Variants in SGMS1 observed in about 807,000 individuals in gnomAD.
SGMS1 encodes the protein sphingomyelin synthase 1.
SGMS1 carries 13 observed loss-of-function variants against 46.2 expected under a neutral mutation model. That is an observed-to-expected ratio of 0.28 (90% CI 0.18 to 0.45). The LOEUF is 0.45. SGMS1 is among the 20% of genes least tolerant of loss of function. The pLI is 1.00. For synonymous variants in SGMS1, 203 were observed against 187.8 expected (o/e 1.08, Z -0.66); for missense variants, 324 against 519.9 (o/e 0.62, Z 3.66).
chr10:50,620,171 C>G (rs61858147), intron 1 of SGMS1, among the ~76,000 whole-genome samples: 37,313 of 152,216 alleles, frequency 0.25, 5,065 homozygotes, highest in Middle Eastern at 0.34. Flanking sequence ...ACTCTCTCCT[C>G]CCTGACATCC....
intron 6 of SGMS1, among the ~76,000 whole-genome samples, chr10:50,365,401 A>G (rs1848322589): frequency 6.6e-6 from 1 of 152,162 alleles, no homozygotes; most frequent in South Asian, 2.1e-4. Flanking sequence ...CTAAAAACTA[A>G]CTATACTGAA....
intron 3 of SGMS1, among the ~76,000 whole-genome samples, chr10:50,503,582 C>T (rs1444814152): frequency 6.6e-6 from 1 of 152,184 alleles, no homozygotes; most frequent in Non-Finnish European, 1.5e-5. Context: ...AACGGCCCCA[C>T]CCCTATCTCC....
intron 3 of SGMS1, among the ~76,000 whole-genome samples, chr10:50,489,185 A>C: frequency 6.6e-6 from 1 of 152,224 alleles, no homozygotes; most frequent in East Asian, 1.9e-4. Context: ...CATAAGGAGT[A>C]ATCTTTTAAG....
chr10:50,469,921 T>C (rs981464455), intron 3 of SGMS1, among the ~76,000 whole-genome samples: 7 of 152,364 alleles, frequency 4.6e-5, no homozygotes, highest in African/African-American at 1.7e-4. Context: ...TTTACATTTA[T>C]AGGGCCAACC....
chr10:50,622,398 A>G (rs1398778391), intron 1 of SGMS1, among the ~76,000 whole-genome samples: 2 of 152,126 alleles, frequency 1.3e-5, no homozygotes, highest in Non-Finnish European at 2.9e-5. Flanking sequence ...TCCCCCCTGA[A>G]TGTTTCAACC....
chr10:50,471,107 G>C (rs1047902140), intron 3 of SGMS1, among the ~76,000 whole-genome samples: 1 of 152,186 alleles, frequency 6.6e-6, no homozygotes, highest in Non-Finnish European at 1.5e-5. Flanking sequence ...AGGCAATGGT[G>C]AGATAGGTTC....
At chr10:50,573,174 A>T (rs1439533064) in intron 2 of SGMS1, among the ~76,000 whole-genome samples, 1 of 152,212 alleles carries the variant, frequency 6.6e-6, no homozygotes, top group Non-Finnish European at 1.5e-5. Context: ...AAGATCTGGA[A>T]TACACAAGAA....
chr10:50,601,398 CA>C (rs1346312851), intron 1 of SGMS1, among the ~76,000 whole-genome samples: 2 of 152,124 alleles, frequency 1.3e-5, no homozygotes, highest in Non-Finnish European at 2.9e-5. Context: ...TGTGACCAAC[CA>C]AAAAGTTTTA....
At chr10:50,497,957 T>C (rs1837629652) in intron 3 of SGMS1, among the ~76,000 whole-genome samples, 1 of 152,220 alleles carries the variant, frequency 6.6e-6, no homozygotes, top group South Asian at 2.1e-4. Context: ...GTTATTTTTA[T>C]ATTTTGCTTT....
chr10:50,459,429 G>T (rs1046681810), intron 5 of SGMS1, among the ~76,000 whole-genome samples: 2 of 152,066 alleles, frequency 1.3e-5, no homozygotes, highest in Admixed American at 1.3e-4. Context: ...TTTAGACGGA[G>T]TTTCACTCTT....
chr10:50,486,862 T>A (rs903066565), intron 3 of SGMS1, among the ~76,000 whole-genome samples: 1 of 152,350 alleles, frequency 6.6e-6, no homozygotes, highest in Non-Finnish European at 1.5e-5. Flanking sequence ...TGCATGCATA[T>A]GTTCATTGCA....
At chr10:50,350,522 C>T (rs1412678281) in intron 6 of SGMS1, among the ~76,000 whole-genome samples, 2 of 152,180 alleles carry the variant, frequency 1.3e-5, no homozygotes, top group Non-Finnish European at 2.9e-5. Flanking sequence ...GCAGCCCCTC[C>T]CATCACAGGC....
upstream of SGMS1, chr10:50,625,063 C>T: frequency 1.0e-6 from 1 of 995,152 alleles, no homozygotes; most frequent in South Asian, 3.9e-5. Context: ...ACTCTGGCCA[C>T]CGCTCGGCAC....
rs57835243 is a variant in SGMS1, at chr10:50,382,568, T to TACACACACACACACACAC, written c.-231-38241_-231-38224dup. ...GAAAACACACACACAAACACACACA[T>TACACACACACACACACAC]ACACACACACACACACACACACACA... On this transcript the variant is annotated intron_variant, in intron 6 of 10. Coordinates refer to ENST00000361781, the MANE Select transcript of SGMS1 (RefSeq NM_147156.4). Among the ~76,000 whole-genome samples, 326 of 142,746 alleles carry TACACACACACACACACAC rather than the reference T, an allele frequency of 2.3e-3. 1 individual carries two copies. Among genetic ancestry groups the TACACACACACACACACAC allele is most frequent in the African/African-American group, 8.0e-3 (307 of 38,254 alleles). 93.6% of individuals were successfully genotyped at this position (142,746 alleles called of 152,430 possible). A position where few individuals can be genotyped will look rare whatever the true frequency, so the allele number is the denominator to read the frequency against.
intron 2 of SGMS1, among the ~76,000 whole-genome samples, chr10:50,565,654 G>A (rs1344452980): frequency 6.6e-6 from 1 of 152,184 alleles, no homozygotes; most frequent in East Asian, 1.9e-4. Context: ...ATGACATAGC[G>A]TCTGACTCCT....
intron 2 of SGMS1, among the ~76,000 whole-genome samples, chr10:50,571,942 C>G (rs1011816804): frequency 1.3e-5 from 2 of 152,118 alleles, no homozygotes; most frequent in African/African-American, 2.4e-5. Flanking sequence ...GTTTCAGAAC[C>G]TGGGCTCTTA....
chr10:50,473,638 AC>A (rs1837396935), intron 3 of SGMS1, among the ~76,000 whole-genome samples: 1 of 152,250 alleles, frequency 6.6e-6, no homozygotes, highest in African/African-American at 2.4e-5. Context: ...AAACCAAATT[AC>A]AATGCAGATA....
intron 2 of SGMS1, among the ~76,000 whole-genome samples, chr10:50,570,015 G>T (rs1588880095): frequency 6.6e-6 from 1 of 152,260 alleles, no homozygotes; most frequent in East Asian, 1.9e-4. Context: ...GGAATTTATG[G>T]TTACATTTCT....
At chr10:50,319,879 T>C (rs1000234938) in intron 8 of SGMS1, among the ~76,000 whole-genome samples, 1 of 152,224 alleles carries the variant, frequency 6.6e-6, no homozygotes, top group Non-Finnish European at 1.5e-5. Flanking sequence ...TTTAAAATTA[T>C]GTAAATATTA....
Sources: gnomAD v4.1 joint callset for allele counts (sites outside exome capture counted in the v4.1 genomes callset) on GRCh38, gnomAD v4.1.1 for gene constraint, MANE v1.5 for transcripts, NCBI Gene and HGNC (gene_info 2026-07-23, HGNC 2026-07-21) for gene names.